The following HMOX2 variants were observed in gnomAD, a reference collection of about 807,000 sequenced individuals.
HMOX2 encodes heme oxygenase (decycling) 2.
A neutral mutation model predicts 33.7 loss-of-function variants in HMOX2; 30 were observed. The observed-to-expected ratio is 0.89, with a 90% CI of 0.67 to 1.21. The LOEUF is 1.21. Ranked by LOEUF, HMOX2 falls within the 50% of genes most tolerant of loss-of-function variation. HMOX2 has a pLI of 0.00. For missense variants in HMOX2, 403 were observed against 399.1 expected (o/e 1.01, Z -0.08); for synonymous variants, 155 against 155.0 (o/e 1.00, Z 0.00).
intron 1 of HMOX2, among the ~76,000 whole-genome samples, chr16:4,484,769 T>C (rs1039338569): frequency 6.6e-5 from 10 of 152,186 alleles, no homozygotes; most frequent in African/African-American, 1.9e-4. Flanking sequence ...CTTAAGTTTC[T>C]TATATAAAAT....
intron 4 of HMOX2, among the ~76,000 whole-genome samples, 181 bp from the exon 5 acceptor site, chr16:4,509,231 G>T (rs150068788): frequency 1.3e-5 from 2 of 152,116 alleles, no homozygotes; most frequent in South Asian, 2.1e-4. Flanking sequence ...GTACACACAC[G>T]TAGGAGGATA....
At chr16:4,499,496 G>A (rs941501930) in intron 1 of HMOX2, among the ~76,000 whole-genome samples, 13 of 152,132 alleles carry the variant, frequency 8.5e-5, no homozygotes, top group African/African-American at 1.9e-4. Context: ...GGTTACCAGC[G>A]GCTGGGGGAA....
intron 5 of HMOX2, 35 bp from the exon 6 acceptor site, chr16:4,509,594 C>T (rs774910547): frequency 6.2e-7 from 1 of 1,613,828 alleles, no homozygotes. Context: ...GGAGACTCCA[C>T]TGATGCCATG....
upstream of HMOX2, chr16:4,474,890 G>A (rs1351389689): frequency 6.6e-6 from 1 of 152,212 alleles, no homozygotes; most frequent in Non-Finnish European, 1.5e-5. Context: ...ATGTCCATGA[G>A]TCTTATCCCT....
At chr16:4,494,953 G>A (rs2058384707) in intron 1 of HMOX2, among the ~76,000 whole-genome samples, 3 of 152,102 alleles carry the variant, frequency 2.0e-5, no homozygotes, top group Non-Finnish European at 4.4e-5. Flanking sequence ...TGGGAGGATT[G>A]TTGAGGCTAG....
chr16:4,498,741 C>T (rs1410427782), intron 1 of HMOX2, among the ~76,000 whole-genome samples: 1 of 152,168 alleles, frequency 6.6e-6, no homozygotes, highest in Non-Finnish European at 1.5e-5. Context: ...GGATTGAATT[C>T]CCCCAGCGAT....
chr16:4,509,394 G>A lies in HMOX2; in HGVS notation c.697-18G>A, dbSNP rs777874155. The A allele has an allele frequency of 1.2e-6, 2 of 1,610,292 alleles. No individual in the cohort carries two copies. Among genetic ancestry groups the A allele is most frequent in the African/African-American group, 1.3e-5 (1 of 74,608 alleles). On this transcript the variant is annotated intron_variant, in intron 4 of 5. Transcript: ENST00000570646. ...TGGGCAGCCCAAAGATGGCTCAGTC[G>A]ATCCTCTGCTCCTGCAGATATTCAA...
chr16:4,505,040 C>A (rs1324590842), intron 1 of HMOX2, among the ~76,000 whole-genome samples: 2 of 152,134 alleles, frequency 1.3e-5, no homozygotes, highest in Non-Finnish European at 2.9e-5. Flanking sequence ...TACCTCTTCC[C>A]CAGATTCACT....
At chr16:4,494,774 G>A (rs1465738959) in intron 1 of HMOX2, among the ~76,000 whole-genome samples, 1 of 151,980 alleles carries the variant, frequency 6.6e-6, no homozygotes, top group Non-Finnish European at 1.5e-5. Flanking sequence ...AGCTGCTTTG[G>A]GGGCTGAAGC....
intron 1 of HMOX2, among the ~76,000 whole-genome samples, chr16:4,494,243 G>C (rs1481215452): frequency 1.3e-5 from 2 of 152,022 alleles, no homozygotes; most frequent in Admixed American, 1.3e-4. Context: ...ATGAACCCGG[G>C]AGGTGGAGCT....
upstream of HMOX2, chr16:4,476,290 T>G (rs1041026096): frequency 2.0e-5 from 3 of 152,302 alleles, no homozygotes; most frequent in Non-Finnish European, 4.4e-5. Flanking sequence ...GAAAGCCACA[T>G]ACTCCGCTTC....
chr16:4,483,209 G>A, intron 1 of HMOX2, among the ~76,000 whole-genome samples: 2 of 108,042 alleles, frequency 1.9e-5, no homozygotes, highest in Admixed American at 9.3e-5. Context: ...GTGTGTGTGT[G>A]TGTGTGTGTG....
At chr16:4,493,672 A>C (rs990621444) in intron 1 of HMOX2, among the ~76,000 whole-genome samples, 17 of 152,158 alleles carry the variant, frequency 1.1e-4, no homozygotes, top group Non-Finnish European at 2.5e-4. Context: ...ATCTTAATTA[A>C]CATTTGTTGG....
rs1174191302 is a variant in HMOX2 at position 4,509,526 on chromosome 16, G to A, written c.811G>A (p.Glu271Lys). 6.8e-6 allele frequency: 11 copies of A among 1,614,046 alleles called. No homozygotes were observed. Among genetic ancestry groups the A allele is most frequent in the Non-Finnish European group, 9.3e-6 (11 of 1,180,034 alleles). The change falls in exon 5 of 6, where the codon GAA becomes AAA. Residue 271 changes from glutamate to lysine, a missense_variant. Transcript: ENST00000570646. Reference sequence around the variant, plus strand: ...GCGTAAATGCCCTTTCTACGCTGCTGAACAAGACAAAGGTAGGTCTGTGTG... The same window carrying A: ...GCGTAAATGCCCTTTCTACGCTGCTAAACAAGACAAAGGTAGGTCTGTGTG... ...DMRKCPFYAA[E>K]QDKGALEGSS...
At chr16:4,506,816 C>A in intron 2 of HMOX2, 79 bp from the exon 3 acceptor site, 1 of 1,050,702 alleles carries the variant, frequency 9.5e-7, no homozygotes, top group Non-Finnish European at 1.5e-6. Flanking sequence ...GGGGTGTGGA[C>A]TCAATCTTCT....
intron 1 of HMOX2, among the ~76,000 whole-genome samples, chr16:4,501,757 T>C (rs2141591703): frequency 7.0e-6 from 1 of 142,422 alleles, no homozygotes; most frequent in Non-Finnish European, 1.5e-5. Flanking sequence ...TTTCAGAAAG[T>C]GAAAAAAAAT....
intron 1 of HMOX2, among the ~76,000 whole-genome samples, chr16:4,480,693 C>T (rs566554931): frequency 4.1e-5 from 6 of 147,838 alleles, no homozygotes; most frequent in African/African-American, 1.5e-4. Context: ...ACTCTTGTCA[C>T]CCAGGCTGGA....
intron 1 of HMOX2, chr16:4,476,788 T>C (rs1355518573): frequency 2.0e-5 from 3 of 152,184 alleles, no homozygotes; most frequent in Non-Finnish European, 4.4e-5. Flanking sequence ...TGGCTCTCTT[T>C]GGCGTCCCCG....
At chr16:4,502,171 C>T (rs1401005264) in intron 1 of HMOX2, among the ~76,000 whole-genome samples, 1 of 152,088 alleles carries the variant, frequency 6.6e-6, no homozygotes, top group African/African-American at 2.4e-5. Flanking sequence ...GTGATCTGCC[C>T]ACCTCGGCCT....
Sources: allele counts gnomAD v4.1 joint callset (sites outside exome capture counted in the v4.1 genomes callset), GRCh38; gene constraint gnomAD v4.1.1; transcripts MANE v1.5; gene names NCBI Gene and HGNC (gene_info 2026-07-23, HGNC 2026-07-21).